Variants in DGKI observed in about 807,000 individuals in gnomAD.
DGKI encodes the protein DAG kinase iota.
Under a neutral mutation model 147.5 loss-of-function variants are expected in DGKI, and 55 were observed. The ratio of observed to expected loss-of-function variants is 0.37; its 90% confidence interval spans 0.30 to 0.47. The LOEUF is 0.47. DGKI is among the 20% of genes least tolerant of loss of function. The pLI, the probability that DGKI is intolerant of heterozygous loss-of-function variation, is 1.00. For missense variants in DGKI, 1,007 were observed against 1,323.8 expected, an observed-to-expected ratio of 0.76 and a Z score of 3.71; for synonymous variants, 469 against 477.1, an observed-to-expected ratio of 0.98 and a Z score of 0.22.
At chr7:137,837,022 G>A (rs113943663) in intron 1 of DGKI, among the ~76,000 whole-genome samples, 91 of 152,278 alleles carry the variant, frequency 6.0e-4, no homozygotes, top group Non-Finnish European at 8.2e-4. Flanking sequence ...AAGAGGACAA[G>A]AAAAGCTGCA....
At chr7:137,703,083 GA>G (rs543538055) in intron 1 of DGKI, among the ~76,000 whole-genome samples, 1 of 151,836 alleles carries the variant, frequency 6.6e-6, no homozygotes, top group African/African-American at 2.4e-5. Context: ...GGTAATTTAT[GA>G]AAAAAAAGAG....
At chr7:137,481,653 T>C (rs976056082) in intron 23 of DGKI, among the ~76,000 whole-genome samples, 3 of 152,206 alleles carry the variant, frequency 2.0e-5, no homozygotes, top group East Asian at 3.9e-4. Context: ...CAGTGCTTTG[T>C]TGGCAATTCA....
intron 1 of DGKI, among the ~76,000 whole-genome samples, chr7:137,826,333 CT>C (rs1798057259): frequency 6.6e-6 from 1 of 152,240 alleles, no homozygotes. Flanking sequence ...CGTCCTAATC[CT>C]TCTGGAACAG....
intron 2 of DGKI, 127 bp downstream of exon 2, chr7:137,689,767 G>A: frequency 1.8e-6 from 1 of 545,642 alleles, no homozygotes. Context: ...TAAGGTATCT[G>A]AGGACAGGTC....
In DGKI at chr7:137,390,938, C is replaced by A. The variant is rs748765965; in HGVS notation, c.*282G>T. On this transcript the variant is annotated 3_prime_UTR_variant, in exon 33 of 33. Coordinates refer to ENST00000614521, the MANE Select transcript of DGKI (RefSeq NM_001321708.2). ...TTAAAATAAATTATACAGGTGAACACAGAAGTTCATGCTACTTGCTGGAAG... is the reference window on the plus strand; with the variant it reads ...TTAAAATAAATTATACAGGTGAACAAAGAAGTTCATGCTACTTGCTGGAAG... 18 of 427,390 alleles carry A rather than the reference C, an allele frequency of 4.2e-5. No homozygotes were observed. Among genetic ancestry groups the A allele is most frequent in the Non-Finnish European group, 7.6e-5 (18 of 236,388 alleles). 26.5% of individuals were successfully genotyped at this position (427,390 alleles called of 1,614,324 possible). A position where few individuals can be genotyped will look rare whatever the true frequency, so the allele number is the denominator to read the frequency against.
chr7:137,557,330 A>G (rs1395808167), intron 19 of DGKI, among the ~76,000 whole-genome samples: 1 of 152,240 alleles, frequency 6.6e-6, no homozygotes, highest in Non-Finnish European at 1.5e-5. Flanking sequence ...TGCCCCTGTT[A>G]GAATCCGAAA....
At chr7:137,809,274 A>G (rs1467038476) in intron 1 of DGKI, among the ~76,000 whole-genome samples, 1 of 152,220 alleles carries the variant, frequency 6.6e-6, no homozygotes. Context: ...CAGAATAGCA[A>G]TAATAAAGAT....
At chr7:137,428,752 C>T (rs1001688768) in intron 28 of DGKI, among the ~76,000 whole-genome samples, 15 of 152,240 alleles carry the variant, frequency 9.9e-5, no homozygotes, top group African/African-American at 3.6e-4. Flanking sequence ...TTCTTATACA[C>T]CAATGACAGA....
In DGKI at chr7:137,388,933, T is replaced by C. The variant is rs780328122; in HGVS notation, c.*2287A>G. 1.3e-4 allele frequency: 20 copies of C among 152,130 alleles called. No individual in the cohort carries two copies. The highest frequency in any genetic ancestry group is 4.4e-5 in the Non-Finnish European group (3 of 68,022). The allele number at this position is 152,130 out of a possible 1,614,324, so 9.4% of individuals were successfully genotyped here. A position where few individuals can be genotyped will look rare whatever the true frequency, so the allele number is the denominator to read the frequency against. On this transcript the variant is annotated 3_prime_UTR_variant, in exon 33 of 33. Coordinates refer to ENST00000614521, the MANE Select transcript of DGKI (RefSeq NM_001321708.2). ...TTAGAAATTGGCCCATAGCCACCTGTACCCTAAATTTTCTCTGGGCTACTT... is the reference window on the plus strand; with the variant it reads ...TTAGAAATTGGCCCATAGCCACCTGCACCCTAAATTTTCTCTGGGCTACTT...
At chr7:137,467,791 G>A (rs560845968) in intron 24 of DGKI, among the ~76,000 whole-genome samples, 6 of 152,102 alleles carry the variant, frequency 3.9e-5, no homozygotes, top group Admixed American at 3.3e-4. Flanking sequence ...GACCAGCCTG[G>A]GCAACAAAGC....
chr7:137,573,771 A>G (rs1396752807), intron 17 of DGKI, among the ~76,000 whole-genome samples: 1 of 152,216 alleles, frequency 6.6e-6, no homozygotes, highest in Non-Finnish European at 1.5e-5. Flanking sequence ...CAAGGGTCTC[A>G]GCCTAGCTTG....
intron 1 of DGKI, among the ~76,000 whole-genome samples, chr7:137,724,557 A>T (rs890739420): frequency 6.6e-6 from 1 of 152,168 alleles, no homozygotes; most frequent in Non-Finnish European, 1.5e-5. Flanking sequence ...TTGCTAATGG[A>T]TTACTATTAA....
chr7:137,638,567 C>A (rs1585315251), intron 6 of DGKI, among the ~76,000 whole-genome samples: 1 of 33,118 alleles, frequency 3.0e-5, no homozygotes, highest in Non-Finnish European at 6.7e-5. Flanking sequence ...TATATATACA[C>A]ACATATATGT....
intron 28 of DGKI, among the ~76,000 whole-genome samples, chr7:137,437,351 C>T (rs1303776274): frequency 6.6e-6 from 1 of 152,014 alleles, no homozygotes; most frequent in African/African-American, 2.4e-5. Flanking sequence ...TTTCAATATG[C>T]CAGCAAAGAC....
chr7:137,560,494 G>GT (rs1818383632), intron 19 of DGKI, among the ~76,000 whole-genome samples: 1 of 152,150 alleles, frequency 6.6e-6, no homozygotes, highest in Admixed American at 6.5e-5. Context: ...AACCACTGTG[G>GT]TGGGCAGAAC....
rs770381729 is a variant in DGKI, at chr7:137,609,017, A to G, written c.1116T>C (p.Pro372=). 1.2e-6 allele frequency: 2 copies of G among 1,613,686 alleles called. No individual in the cohort carries two copies. Among genetic ancestry groups the G allele is most frequent in the African/African-American group, 2.7e-5 (2 of 74,880 alleles). Residue 372 remains proline (P), a synonymous_variant, in exon 10 of 33, where the codon CCT becomes CCC. Coordinates refer to ENST00000614521, the MANE Select transcript of DGKI (RefSeq NM_001321708.2). Reference sequence around the variant, plus strand: ...CAAATACAAGCAAGGGTTTCATGAGAGGAGAAGAGATGGGTTTTATCACAA... The same window carrying G: ...CAAATACAAGCAAGGGTTTCATGAGGGGAGAAGAGATGGGTTTTATCACAA... ...RPFVIKPISS[P]LMKPLLVFVN...
chr7:137,696,361 C>T (rs1439458008), intron 1 of DGKI, among the ~76,000 whole-genome samples: 1 of 144,440 alleles, frequency 6.9e-6, no homozygotes, highest in Non-Finnish European at 1.5e-5. Flanking sequence ...TAAACACATG[C>T]AAATGTGCAA....
At chr7:137,801,548 T>C (rs1303091624) in intron 1 of DGKI, among the ~76,000 whole-genome samples, 1 of 152,230 alleles carries the variant, frequency 6.6e-6, no homozygotes, top group African/African-American at 2.4e-5. Context: ...GTCCTCAGTC[T>C]CACTCTCCAC....
chr7:137,822,421 T>TTAG (rs1486765205), intron 1 of DGKI, among the ~76,000 whole-genome samples: 1 of 151,564 alleles, frequency 6.6e-6, no homozygotes, highest in Non-Finnish European at 1.5e-5. Flanking sequence ...ATAATAATAA[T>TTAG]TATTATTATT....
Sources: allele counts gnomAD v4.1 joint callset (sites outside exome capture counted in the v4.1 genomes callset), GRCh38; gene constraint gnomAD v4.1.1; transcripts MANE v1.5; gene names NCBI Gene and HGNC (gene_info 2026-07-23, HGNC 2026-07-21).